Variants in ITSN2 observed in about 807,000 individuals in gnomAD.
The protein encoded by ITSN2 is intersectin-2.
Under a neutral mutation model 243.7 loss-of-function variants are expected in ITSN2, and 156 were observed. The observed-to-expected ratio is 0.64, with a 90% CI of 0.56 to 0.73. The LOEUF is 0.73. Ranked by LOEUF, ITSN2 falls within the 30% of genes least tolerant of loss-of-function variation. The pLI, the probability that ITSN2 is intolerant of heterozygous loss-of-function variation, is 0.00. For synonymous variants in ITSN2, 703 were observed against 699.9 expected (o/e 1.00, Z -0.07); for missense variants, 1,801 against 1,996.1 (o/e 0.90, Z 1.86).
chr2:24,353,366 G>A (rs911926036), intron 1 of ITSN2, among the ~76,000 whole-genome samples: 1 of 152,094 alleles, frequency 6.6e-6, no homozygotes, highest in Non-Finnish European at 1.5e-5. Context: ...GAGGCTGAGT[G>A]GGGGCGAATC....
intron 20 of ITSN2, 74 bp from the exon 21 acceptor site, chr2:24,261,816 T>A: frequency 1.8e-6 from 2 of 1,089,588 alleles, no homozygotes; most frequent in Non-Finnish European, 2.6e-6. Flanking sequence ...TGAAAACTAT[T>A]GTATAGTATT....
Position 24,209,986 on chromosome 2 carries a change from G to A in ITSN2, c.4305C>T (p.Leu1435=), listed in dbSNP as rs774047485. Residue 1435 remains leucine (L), a synonymous_variant, in exon 35 of 40, where the codon CTC becomes CTT. Coordinates refer to ENST00000355123, the MANE Select transcript of ITSN2 (RefSeq NM_006277.3). ...SLTNCLGPRK[L]LHSGKLYKTK... ...TCTTGTATAATTTCCCACTGTGTAAGAGCTTCCGGGGCCCCAGGCAGTTGG... is the reference window on the plus strand; with the variant it reads ...TCTTGTATAATTTCCCACTGTGTAAAAGCTTCCGGGGCCCCAGGCAGTTGG... The A allele has an allele frequency of 3.7e-6, 6 of 1,614,016 alleles. No homozygotes were observed. Among genetic ancestry groups the A allele is most frequent in the Non-Finnish European group, 5.1e-6 (6 of 1,180,028 alleles).
intron 29 of ITSN2, among the ~76,000 whole-genome samples, chr2:24,243,726 C>T (rs1036018722): frequency 1.3e-5 from 2 of 152,124 alleles, no homozygotes; most frequent in Admixed American, 6.5e-5. Flanking sequence ...TATAGGTGTG[C>T]GCCACTGTGC....
intron 22 of ITSN2, among the ~76,000 whole-genome samples, chr2:24,259,435 T>A (rs1041009364): frequency 1.3e-5 from 2 of 152,230 alleles, no homozygotes; most frequent in African/African-American, 2.4e-5. Flanking sequence ...CCAGACTTTA[T>A]GTTAGTGCCA....
intron 1 of ITSN2, among the ~76,000 whole-genome samples, chr2:24,350,556 T>A (rs757301437): frequency 1.6e-4 from 25 of 151,996 alleles, no homozygotes; most frequent in African/African-American, 2.4e-4. Flanking sequence ...AGCCAAAAAG[T>A]AGAAGCAACC....
chr2:24,318,299 C>T (rs542474657), intron 2 of ITSN2, among the ~76,000 whole-genome samples: 1 of 152,222 alleles, frequency 6.6e-6, no homozygotes, highest in East Asian at 1.9e-4. Flanking sequence ...GTACGTGCGA[C>T]TACAGCTGGC....
At chr2:24,256,909 A>G (rs1675120010) in intron 23 of ITSN2, among the ~76,000 whole-genome samples, 1 of 152,246 alleles carries the variant, frequency 6.6e-6, no homozygotes, top group Non-Finnish European at 1.5e-5. Context: ...GAATGCCCCA[A>G]TTTGGCAAAG....
chr2:24,205,169 G>A, intron 38 of ITSN2, 45 bp downstream of exon 38: 2 of 1,524,906 alleles, frequency 1.3e-6, no homozygotes, highest in South Asian at 1.1e-5. Context: ...GCAAAAACTG[G>A]GGCAGGGCAG....
Position 24,204,379 on chromosome 2 carries a change from T to C in ITSN2, c.4802A>G (p.Gln1601Arg). Reference protein sequence around the residue: ...NPYCEISMGSQSYTTRTIQDT... With the variant: ...NPYCEISMGSRSYTTRTIQDT... Reference sequence around the variant, plus strand: ...CTGGATGGTCCTGGTGGTGTAGCTCTGGGAGCCCATGCTGATTTCACAGTA... The same window carrying C: ...CTGGATGGTCCTGGTGGTGTAGCTCCGGGAGCCCATGCTGATTTCACAGTA... The change falls in exon 39 of 40, where the codon CAG becomes CGG. Residue 1601 changes from glutamine to arginine, a missense_variant. Coordinates refer to ENST00000355123, the MANE Select transcript of ITSN2 (RefSeq NM_006277.3). This position sits in a 1 kb window ranked among gnomAD's most constrained non-coding sequence, Gnocchi z 5.1. 6.2e-7 allele frequency: 1 copy of C among 1,614,206 alleles called. No homozygotes were observed. The highest frequency in any genetic ancestry group is 8.5e-7 in the Non-Finnish European group (1 of 1,180,024).
intron 2 of ITSN2, among the ~76,000 whole-genome samples, chr2:24,322,764 C>T (rs1173009463): frequency 6.6e-6 from 1 of 152,090 alleles, no homozygotes; most frequent in Non-Finnish European, 1.5e-5. Flanking sequence ...TTAAAGGACA[C>T]TCTTAAGAAA....
chr2:24,207,490 G>A (rs926653996), intron 37 of ITSN2, among the ~76,000 whole-genome samples: 1 of 152,140 alleles, frequency 6.6e-6, no homozygotes, highest in African/African-American at 2.4e-5. Flanking sequence ...TCAGAGGCGC[G>A]GGCTTGGGAG....
chr2:24,277,483 T>C (rs1678160618), intron 17 of ITSN2, among the ~76,000 whole-genome samples: 1 of 152,216 alleles, frequency 6.6e-6, no homozygotes, highest in Non-Finnish European at 1.5e-5. Flanking sequence ...CATACTGCTT[T>C]TATAGCAGAA....
intron 1 of ITSN2, among the ~76,000 whole-genome samples, chr2:24,337,837 C>A (rs1686630069): frequency 2.6e-5 from 4 of 152,072 alleles, no homozygotes. Context: ...CTCTGCCACT[C>A]CCAGCATGTG....
intron 29 of ITSN2, among the ~76,000 whole-genome samples, chr2:24,230,379 T>C (rs573314141): frequency 6.6e-6 from 1 of 152,196 alleles, no homozygotes; most frequent in Non-Finnish European, 1.5e-5. Flanking sequence ...GAAGTAGCTT[T>C]CCAATGGATC....
chr2:24,283,028 AAAAAAAAGATTTTCC>A (rs1269540888), intron 17 of ITSN2, among the ~76,000 whole-genome samples: 8 of 151,772 alleles, frequency 5.3e-5, no homozygotes, highest in Non-Finnish European at 1.2e-4. Context: ...AAAAAAAAAA[AAAAAAAAGATTTTCC>A]TTTGACCCCC....
At position 24,298,740 on chromosome 2, in the gene ITSN2, T is replaced by C. The variant is rs1400817001; in HGVS notation, c.1419A>G (p.Gln473=). The C allele has an allele frequency of 6.2e-7, 1 of 1,612,680 alleles. No individual in the cohort carries two copies. The highest frequency in any genetic ancestry group is 8.5e-7 in the Non-Finnish European group (1 of 1,179,180). Residue 473 remains glutamine, a synonymous_variant, in exon 13 of 40, where the codon CAA becomes CAG. Coordinates refer to ENST00000355123, the MANE Select transcript of ITSN2 (RefSeq NM_006277.3). ...CAATTTCTTCTTGTTCTCTATTCTT[T>C]TGATTGAGAAGCTCCTGTCGCCGAA... ...ERIRRQELLN[Q]KNREQEEIVR...
chr2:24,211,782 T>C lies in ITSN2; in HGVS notation c.4090-835A>G, dbSNP rs1669517149. ...TATTAGTGTGTCTGGTTGTAAGTGC[T>C]ACCCTAAGGCTCAGTTGAGGAGTCA... On this transcript the variant is annotated intron_variant, in intron 33 of 39. Transcript: ENST00000355123. The surrounding 1 kb of genome is among the most constrained non-coding windows in gnomAD (Gnocchi z 4.1). 6.6e-6 allele frequency among the ~76,000 whole-genome samples: 1 copy of C among 152,228 alleles called. No homozygotes were observed. Among genetic ancestry groups the C allele is most frequent in the African/African-American group, 2.4e-5 (1 of 41,458 alleles).
At chr2:24,209,794 T>A (rs747936581) in intron 35 of ITSN2, 24 bp downstream of exon 35, 2 of 1,591,128 alleles carry the variant, frequency 1.3e-6, no homozygotes, top group Non-Finnish European at 1.7e-6. Context: ...CCCCTGATGC[T>A]ACCCCCAGAC....
At chr2:24,210,116 G>C (rs1488554972) in intron 34 of ITSN2, 83 bp from the exon 35 acceptor site, 1 of 961,530 alleles carries the variant, frequency 1.0e-6, no homozygotes, top group Non-Finnish European at 1.6e-6. Flanking sequence ...CTGGGCCTGA[G>C]GATACTGTGG....
Sources: allele counts gnomAD v4.1 joint callset (sites outside exome capture counted in the v4.1 genomes callset), GRCh38; gene constraint gnomAD v4.1.1; non-coding constraint Gnocchi (gnomAD v3.1); transcripts MANE v1.5; gene names NCBI Gene and HGNC (gene_info 2026-07-23, HGNC 2026-07-21).